XRN2: variants seen among roughly 807,000 people sequenced by gnomAD.
XRN2 encodes 5'-3' exoribonuclease 2.
In XRN2, 44 loss-of-function variants were observed where a neutral mutation model predicts 138.5. The observed-to-expected ratio is 0.32, with a 90% CI of 0.25 to 0.41. The LOEUF is 0.41. XRN2 is among the 10% of genes least tolerant of loss of function. The pLI is 1.00. For missense variants in XRN2, 937 were observed against 1,169.3 expected, an observed-to-expected ratio of 0.80 and a Z score of 2.90; for synonymous variants, 354 against 369.4, an observed-to-expected ratio of 0.96 and a Z score of 0.48.
chr20:21,381,728 ACACACACAC>A, intron 27 of XRN2, among the ~76,000 whole-genome samples: 1 of 152,042 alleles, frequency 6.6e-6, no homozygotes, highest in Non-Finnish European at 1.5e-5. Context: ...ACACACACAC[ACACACACAC>A]ACACAGGATT....
At chr20:21,305,096 C>T (rs2037797909) in intron 1 of XRN2, among the ~76,000 whole-genome samples, 1 of 152,282 alleles carries the variant, frequency 6.6e-6, no homozygotes, top group South Asian at 2.1e-4. Context: ...AGTCATCTTT[C>T]TTCTTGAATA....
chr20:21,304,796 C>G (rs1227017714), intron 1 of XRN2, among the ~76,000 whole-genome samples: 2 of 152,188 alleles, frequency 1.3e-5, no homozygotes, highest in African/African-American at 4.8e-5. Context: ...TCCCTTGACT[C>G]AATGCTTTCT....
At chr20:21,320,784 C>T (rs760577946) in intron 1 of XRN2, among the ~76,000 whole-genome samples, 6 of 152,090 alleles carry the variant, frequency 3.9e-5, no homozygotes, top group East Asian at 1.9e-4. Flanking sequence ...TTAGTAGAGA[C>T]GGGGTTTCAC....
chr20:21,303,889 C>G, intron 1 of XRN2: 1 of 980,860 alleles, frequency 1.0e-6, no homozygotes. Context: ...GATTCGGAGG[C>G]CAGCTTTTTG....
At chr20:21,356,001 C>G in intron 21 of XRN2, 79 bp from the exon 22 acceptor site, 1 of 958,072 alleles carries the variant, frequency 1.0e-6, no homozygotes. Flanking sequence ...GATGCTTTCC[C>G]TTGTTTTATG....
chr20:21,348,129 T>A lies in XRN2; in HGVS notation c.1666-17T>A. The A allele has an allele frequency of 1.3e-6, 2 of 1,578,722 alleles. No individual in the cohort carries two copies. The highest frequency in any genetic ancestry group is 1.7e-6 in the Non-Finnish European group (2 of 1,169,450). ...CATAGGTTTTTGATTTTGTTGTTAC[T>A]TTTTTAATGATTCTAGGGCTGTGCT... On this transcript the variant is annotated splice_polypyrimidine_tract_variant and intron_variant, in intron 17 of 29. Coordinates refer to ENST00000377191, the MANE Select transcript of XRN2 (RefSeq NM_012255.5).
At chr20:21,310,844 A>G (rs564901362) in intron 1 of XRN2, among the ~76,000 whole-genome samples, 7 of 151,842 alleles carry the variant, frequency 4.6e-5, no homozygotes, top group East Asian at 1.9e-4. Context: ...ACCCGGTTTC[A>G]TGCCATTCTC....
chr20:21,384,348 A>T (rs1339374628), intron 28 of XRN2, among the ~76,000 whole-genome samples: 1 of 152,262 alleles, frequency 6.6e-6, no homozygotes, highest in Non-Finnish European at 1.5e-5. Flanking sequence ...CTCCGATTTT[A>T]CCATATGCAT....
chr20:21,338,473 C>T (rs918879042), intron 13 of XRN2, among the ~76,000 whole-genome samples: 5 of 152,014 alleles, frequency 3.3e-5, no homozygotes, highest in South Asian at 2.1e-4. Flanking sequence ...TTTTTTCCAT[C>T]GGATTGATAT....
At chr20:21,330,802 A>T in intron 6 of XRN2, 97 bp downstream of exon 6, 2 of 1,144,118 alleles carry the variant, frequency 1.7e-6, no homozygotes, top group Non-Finnish European at 2.5e-6. Flanking sequence ...GCCCTGCCCC[A>T]TAAAATGCTA....
chr20:21,387,104 C>T (rs1860762594), intron 29 of XRN2, 98 bp downstream of exon 29: 1 of 1,482,418 alleles, frequency 6.7e-7, no homozygotes, highest in South Asian at 1.4e-5. Context: ...GGAGAAGACA[C>T]TGATAGAGTA....
intron 29 of XRN2, among the ~76,000 whole-genome samples, chr20:21,388,171 A>G (rs1055297326): frequency 2.0e-5 from 3 of 152,214 alleles, no homozygotes; most frequent in African/African-American, 7.2e-5. Context: ...TCATTTTCCA[A>G]GTCAGGAACT....
intron 27 of XRN2, 125 bp downstream of exon 27, chr20:21,368,715 T>A: frequency 7.7e-7 from 1 of 1,303,840 alleles, no homozygotes. Flanking sequence ...TAAAAACATG[T>A]AAGTTAGAAG....
rs748389082 is a variant in XRN2 at position 21,386,861 on chromosome 20, C to T, written c.2649-7C>T. The T allele has an allele frequency of 2.2e-5, 36 of 1,607,234 alleles. No individual in the cohort carries two copies. The highest frequency in any genetic ancestry group is 2.9e-5 in the Non-Finnish European group (34 of 1,174,574). ...GCTTCTGATGTAAAACTGGTACTTT[C>T]CTACAGAGGCGTTGGGGCTGAACCT... On this transcript the variant is annotated splice_polypyrimidine_tract_variant and splice_region_variant and intron_variant, in intron 28 of 29. Transcript: ENST00000377191.
At chr20:21,315,337 A>C (rs1011930597) in intron 1 of XRN2, among the ~76,000 whole-genome samples, 1 of 152,162 alleles carries the variant, frequency 6.6e-6, no homozygotes. Flanking sequence ...TTGTTATCTG[A>C]CTTGGCTTTA....
intron 27 of XRN2, 63 bp downstream of exon 27, chr20:21,368,653 C>T: frequency 6.3e-7 from 1 of 1,589,160 alleles, no homozygotes; most frequent in Non-Finnish European, 8.6e-7. Context: ...ATGTTGGTTT[C>T]TAATCTTCTT....
chr20:21,357,901 A>G (rs1568589259), intron 24 of XRN2, 109 bp downstream of exon 24: 8 of 848,116 alleles, frequency 9.4e-6, no homozygotes, highest in South Asian at 4.2e-5. Context: ...TAATCCACCA[A>G]TGCTTCGAGA....
chr20:21,303,788 G>C, intron 1 of XRN2: 1 of 1,124,010 alleles, frequency 8.9e-7, no homozygotes, highest in Non-Finnish European at 1.1e-6. Flanking sequence ...TTCCTCTCCA[G>C]ACCGCGCATT....
rs1568584917 is a variant in XRN2, at chr20:21,349,435, T to C, written c.1910T>C (p.Leu637Ser). ...TATCCTGAAGATTTTGCTATTGATT[T>C]GAATGGGAAGAAATATGCATGGCAA... Reference protein sequence around the residue: ...DFYPEDFAIDLNGKKYAWQGV... With the variant: ...DFYPEDFAIDSNGKKYAWQGV... Residue 637 changes from leucine (L) to serine (S), a missense_variant, in exon 20 of 30, where the codon TTG (leucine) becomes TCG (serine). Physicochemically the swap from Leu to Ser is moderately radical, Grantham distance 145. Coordinates refer to ENST00000377191, the MANE Select transcript of XRN2 (RefSeq NM_012255.5). 1 of 1,608,184 alleles carries C rather than the reference T, an allele frequency of 6.2e-7. No homozygotes were observed. The highest frequency in any genetic ancestry group is 2.2e-5 in the East Asian group (1 of 44,734).
Sources: allele counts gnomAD v4.1 joint callset (sites outside exome capture counted in the v4.1 genomes callset), GRCh38; gene constraint gnomAD v4.1.1; transcripts MANE v1.5; gene names NCBI Gene and HGNC (gene_info 2026-07-23, HGNC 2026-07-21).